The following MAGI3 variants were observed in gnomAD, a reference collection of about 807,000 sequenced individuals.
MAGI3 encodes membrane-associated guanylate kinase, WW and PDZ domain-containing protein 3.
A neutral mutation model predicts 121.8 loss-of-function variants in MAGI3; 43 were observed. The ratio of observed to expected loss-of-function variants is 0.35; its 90% confidence interval spans 0.28 to 0.46. The LOEUF (loss-of-function observed/expected upper bound fraction) is 0.46, where lower values mean the gene tolerates loss of function less well. MAGI3 is among the 20% of genes least tolerant of loss of function. MAGI3 has a pLI of 1.00. For missense variants in MAGI3, 1,547 were observed against 1,797.3 expected, an observed-to-expected ratio of 0.86 and a Z score of 2.52; for synonymous variants, 553 against 639.3, an observed-to-expected ratio of 0.86 and a Z score of 2.04.
At chr1:113,520,391 A>T (rs1417096693) in intron 1 of MAGI3, among the ~76,000 whole-genome samples, 1 of 152,158 alleles carries the variant, frequency 6.6e-6, no homozygotes, top group Admixed American at 6.5e-5. Context: ...GAAGAAGCCC[A>T]TATTCTAAGA....
intron 1 of MAGI3, among the ~76,000 whole-genome samples, chr1:113,503,047 A>G (rs1657096143): frequency 1.7e-5 from 1 of 59,918 alleles, no homozygotes; most frequent in African/African-American, 8.4e-5. Flanking sequence ...GAAGGGGAAT[A>G]TCACACTCTG....
At chr1:113,682,492 T>A in intron 20 of MAGI3, 1 of 1,323,308 alleles carries the variant, frequency 7.6e-7, no homozygotes. Context: ...CAGTTTGGTT[T>A]CCTTTATTAA....
intron 6 of MAGI3, among the ~76,000 whole-genome samples, chr1:113,605,288 A>T (rs1649685654): frequency 6.6e-6 from 1 of 152,202 alleles, no homozygotes; most frequent in Admixed American, 6.6e-5. Flanking sequence ...TGGTATATTC[A>T]TGCAATAAAA....
At chr1:113,431,217 C>G (rs1653284545) in intron 1 of MAGI3, among the ~76,000 whole-genome samples, 2 of 152,194 alleles carry the variant, frequency 1.3e-5, no homozygotes, top group African/African-American at 2.4e-5. Flanking sequence ...ACTCAGGAGA[C>G]TGAAGCTGGA....
intron 2 of MAGI3, among the ~76,000 whole-genome samples, chr1:113,557,360 C>A (rs1660037739): frequency 6.6e-6 from 1 of 152,226 alleles, no homozygotes; most frequent in Non-Finnish European, 1.5e-5. Context: ...GATGACTCAA[C>A]TGTTCCAGCC....
intron 1 of MAGI3, among the ~76,000 whole-genome samples, chr1:113,533,633 A>G (rs185004630): frequency 3.9e-5 from 6 of 152,314 alleles, no homozygotes; most frequent in East Asian, 1.9e-4. Flanking sequence ...ATTTAGCTAT[A>G]TATCTATTAA....
At chr1:113,492,466 A>G (rs12033666) in intron 1 of MAGI3, among the ~76,000 whole-genome samples, 23,577 of 152,176 alleles carry the variant, frequency 0.15, 2,836 homozygotes, top group East Asian at 0.62. Context: ...CACAAGAAAA[A>G]GATGCCCTCT....
chr1:113,567,757 T>C (rs960874007), intron 2 of MAGI3, among the ~76,000 whole-genome samples: 1 of 151,988 alleles, frequency 6.6e-6, no homozygotes, highest in African/African-American at 2.4e-5. Flanking sequence ...AACATTATGC[T>C]TAACAGGAAA....
chr1:113,581,643 AT>A (rs1648033666), intron 3 of MAGI3, among the ~76,000 whole-genome samples: 1 of 151,978 alleles, frequency 6.6e-6, no homozygotes, highest in Non-Finnish European at 1.5e-5. Context: ...TGTTGATCTC[AT>A]TTGTTCCCAT....
chr1:113,483,893 TTGTGTG>T (rs149847532), intron 1 of MAGI3, among the ~76,000 whole-genome samples: 3 of 149,400 alleles, frequency 2.0e-5, no homozygotes, highest in Non-Finnish European at 4.5e-5. Flanking sequence ...TCTAATGTGA[TTGTGTG>T]TGTGTGTGTG....
chr1:113,647,366 G>A (rs991245421), intron 12 of MAGI3, among the ~76,000 whole-genome samples: 2 of 152,184 alleles, frequency 1.3e-5, no homozygotes, highest in Non-Finnish European at 2.9e-5. Flanking sequence ...GGAAGGCATA[G>A]TTTTGTGTTT....
At position 113,666,226 on chromosome 1, in the gene MAGI3, A is replaced by T. The variant is rs535099967; in HGVS notation, c.2816-5508A>T. Among the ~76,000 whole-genome samples the T allele has an allele frequency of 3.3e-5, 5 of 152,298 alleles. No individual in the cohort carries two copies. The South Asian group carries it at 1.0e-3, about 32-fold the overall frequency. ...AAAATAAGACAATAAAGTCTGCCAC[A>T]TTGACTCTTTCTTTCACCAAAGATC... On this transcript the variant is annotated intron_variant, in intron 16 of 20. Transcript: ENST00000307546.
chr1:113,537,140 C>G (rs925677545), intron 1 of MAGI3, among the ~76,000 whole-genome samples: 1 of 152,132 alleles, frequency 6.6e-6, no homozygotes, highest in Admixed American at 6.5e-5. Context: ...AGCAGATAGC[C>G]TCTATTTAGC....
Position 113,562,014 on chromosome 1 carries a change from A to C in MAGI3, c.433+12383A>C, listed in dbSNP as rs1289300617. Reference sequence around the variant, plus strand: ...AAATCCAGAATGAACTCCCATTCACAATTGCCATAAAAAAGAATAAAATAC... The same window carrying C: ...AAATCCAGAATGAACTCCCATTCACCATTGCCATAAAAAAGAATAAAATAC... On this transcript the variant is annotated intron_variant, in intron 2 of 20. Coordinates refer to ENST00000307546, the MANE Select transcript of MAGI3 (RefSeq NM_001142782.2). Among the ~76,000 whole-genome samples the C allele has an allele frequency of 2.0e-5, 3 of 152,360 alleles. No individual in the cohort carries two copies. The East Asian group carries it at 5.8e-4, about 29-fold the overall frequency.
intron 1 of MAGI3, among the ~76,000 whole-genome samples, chr1:113,508,669 T>G (rs1657463973): frequency 6.6e-6 from 1 of 152,228 alleles, no homozygotes; most frequent in Non-Finnish European, 1.5e-5. Flanking sequence ...AAACTTCTAG[T>G]GCTATTCCTT....
At chr1:113,640,925 TTATA>T (rs71483890) in intron 9 of MAGI3, among the ~76,000 whole-genome samples, 1 of 116,582 alleles carries the variant, frequency 8.6e-6, no homozygotes, top group Non-Finnish European at 1.7e-5. Context: ...ATGATATATT[TTATA>T]TATCATATAT....
At chr1:113,437,922 C>CCTTCTCCTTCTCCTT (rs140479665) in intron 1 of MAGI3, among the ~76,000 whole-genome samples, 216 of 10,702 alleles carry the variant, frequency 0.02, 63 homozygotes, top group East Asian at 0.1. Context: ...TTCTCCTTCT[C>CCTTCTCCTTCTCCTT]CTCCTTCTCC....
rs372079100 is a variant in MAGI3 at position 113,683,527 on chromosome 1, C to T, written c.3959C>T (p.Thr1320Met). 60 of 1,613,662 alleles carry T rather than the reference C, an allele frequency of 3.7e-5. No individual in the cohort carries two copies. The South Asian group carries it at 3.7e-4, about 10-fold the overall frequency. ...AAGAGTCGAAGAATAGCAGGCTATA[C>T]GGGCAGTAATGCTGAGCAGATCCCA... ...EGKSRRIAGY[T>M]GSNAEQIPDG... The change falls in exon 21 of 21, where the codon ACG (threonine) becomes ATG (methionine). Residue 1320 changes from threonine to methionine, a missense_variant. Thr to Met is a moderately conservative substitution (Grantham distance 81, BLOSUM62 -1). Coordinates refer to ENST00000307546, the MANE Select transcript of MAGI3 (RefSeq NM_001142782.2).
At chr1:113,666,390 T>G (rs1051537336) in intron 16 of MAGI3, among the ~76,000 whole-genome samples, 57 of 152,364 alleles carry the variant, frequency 3.7e-4, no homozygotes, top group African/African-American at 1.3e-3. Flanking sequence ...TGTGGTCATT[T>G]CAACAGTGTT....
Sources: allele counts gnomAD v4.1 joint callset (sites outside exome capture counted in the v4.1 genomes callset), GRCh38; gene constraint gnomAD v4.1.1; transcripts MANE v1.5; gene names NCBI Gene and HGNC (gene_info 2026-07-23, HGNC 2026-07-21).